The following BIRC6 variants were observed in gnomAD, a reference collection of about 807,000 sequenced individuals.
BIRC6 encodes the protein dual E2 ubiquitin-conjugating enzyme/E3 ubiquitin-protein ligase BIRC6.
In BIRC6, 98 loss-of-function variants were observed where a neutral mutation model predicts 503.3. The ratio of observed to expected loss-of-function variants is 0.19; its 90% CI spans 0.17 to 0.23. The LOEUF (loss-of-function observed/expected upper bound fraction) is 0.23. Ranked by LOEUF, BIRC6 falls within the 10% of genes least tolerant of loss-of-function variation. BIRC6 has a pLI of 1.00. For synonymous variants in BIRC6, 2,240 were observed against 2,078.7 expected, an observed-to-expected ratio of 1.08 and a Z score of -2.11; for missense variants, 5,360 against 5,806.0, an observed-to-expected ratio of 0.92 and a Z score of 2.50.
At chr2:32,463,049 A>G in intron 23 of BIRC6, 145 bp from the exon 24 acceptor site, 1 of 586,854 alleles carries the variant, frequency 1.7e-6, no homozygotes, top group Non-Finnish European at 2.9e-6. Context: ...CCTTATTTAT[A>G]CTTTCCAGAT....
intron 69 of BIRC6, among the ~76,000 whole-genome samples, 182 bp downstream of exon 69, chr2:32,598,150 G>A (rs1405035783): frequency 1.9e-4 from 21 of 113,414 alleles, no homozygotes; most frequent in African/African-American, 7.1e-4. Flanking sequence ...TTTTTTTTTG[G>A]CGACAGGATC....
chr2:32,432,908 A>G (rs2044299055), intron 12 of BIRC6, among the ~76,000 whole-genome samples: 1 of 149,856 alleles, frequency 6.7e-6, no homozygotes, highest in African/African-American at 2.4e-5. Context: ...GAGGGCAGTG[A>G]TAGATTGGTT....
At chr2:32,407,060 G>A (rs1488714847) in intron 9 of BIRC6, among the ~76,000 whole-genome samples, 1 of 152,116 alleles carries the variant, frequency 6.6e-6, no homozygotes, top group African/African-American at 2.4e-5. Context: ...GTTTTACTAT[G>A]TCAGAATTTA....
chr2:32,468,860 T>A, intron 29 of BIRC6, 77 bp downstream of exon 29: 2 of 1,112,046 alleles, frequency 1.8e-6, no homozygotes, highest in Non-Finnish European at 2.5e-6. Flanking sequence ...AGGATCTGTG[T>A]CAATATTTTC....
In BIRC6 at chr2:32,515,807, A is replaced by G. The variant is rs758676847; in HGVS notation, c.11349+37A>G. On this transcript the variant is annotated intron_variant, in intron 55 of 73. Coordinates refer to ENST00000421745, the MANE Select transcript of BIRC6 (RefSeq NM_016252.4). ...AAATAACTTACATTTTAGTTGTTTT[A>G]TTACATAAGAAAGGGCCATGTATAA... The G allele has an allele frequency of 2.0e-5, 30 of 1,531,576 alleles. No individual in the cohort carries two copies. The East Asian group carries it at 6.7e-4, about 34-fold the overall frequency. The allele number at this position is 1,531,576 out of a possible 1,614,324, so 94.9% of individuals were successfully genotyped here.
At chr2:32,542,563 A>C (rs994226615) in intron 61 of BIRC6, among the ~76,000 whole-genome samples, 8 of 152,334 alleles carry the variant, frequency 5.3e-5, no homozygotes, top group African/African-American at 1.9e-4. Context: ...AGAAAGAATG[A>C]CAGAATTAGA....
chr2:32,524,765 T>G, intron 57 of BIRC6, 123 bp from the exon 58 acceptor site: 1 of 653,908 alleles, frequency 1.5e-6, no homozygotes, highest in Non-Finnish European at 2.2e-6. Flanking sequence ...TCTCCTAAAT[T>G]CCTTTATATT....
In BIRC6 at chr2:32,513,030, G is replaced by A; in HGVS notation, c.10444G>A (p.Val3482Ile). Residue 3482 changes from valine to isoleucine, a missense_variant, in exon 54 of 74, where the codon GTA (valine) becomes ATA (isoleucine). Val to Ile is a conservative substitution (Grantham distance 29). This residue lies in a region of BIRC6 where 878 missense variants were observed against 928.9 expected (regional missense o/e 0.95). Transcript: ENST00000421745. ...CTACATGTGTCCTAACTCCTCAACAGTAGAGTATGGTCTTCTGATGCCATC... is the reference window on the plus strand; with the variant it reads ...CTACATGTGTCCTAACTCCTCAACAATAGAGTATGGTCTTCTGATGCCATC... ...MNYMCPNSST[V>I]EYGLLMPSPS... The A allele has an allele frequency of 1.2e-6, 2 of 1,613,920 alleles. No individual in the cohort carries two copies. The highest frequency in any genetic ancestry group is 1.7e-6 in the Non-Finnish European group (2 of 1,179,856).
At chr2:32,592,165 A>G (rs2061423443) in intron 66 of BIRC6, among the ~76,000 whole-genome samples, 1 of 152,152 alleles carries the variant, frequency 6.6e-6, no homozygotes, top group South Asian at 2.1e-4. Flanking sequence ...ATGTACATAG[A>G]CGACAGTTGA....
At chr2:32,481,492 C>T (rs752132088) in intron 38 of BIRC6, 39 bp downstream of exon 38, 65 of 1,524,460 alleles carry the variant, frequency 4.3e-5, no homozygotes, top group South Asian at 4.1e-4. Flanking sequence ...GGAGGCCGGG[C>T]GCAGTGGCTC....
At chr2:32,449,520 C>G (rs1446883441) in intron 22 of BIRC6, among the ~76,000 whole-genome samples, 1 of 151,902 alleles carries the variant, frequency 6.6e-6, no homozygotes, top group Non-Finnish European at 1.5e-5. Flanking sequence ...AAAGAGTGAC[C>G]ATTTCATTTT....
chr2:32,509,599 C>A, intron 51 of BIRC6, 139 bp from the exon 52 acceptor site: 1 of 939,800 alleles, frequency 1.1e-6, no homozygotes, highest in Non-Finnish European at 1.6e-6. Flanking sequence ...ACTTAATTTG[C>A]AGCATTCTAA....
At chr2:32,365,422 C>T (rs1042002728) in intron 1 of BIRC6, among the ~76,000 whole-genome samples, 11 of 151,422 alleles carry the variant, frequency 7.3e-5, no homozygotes, top group South Asian at 2.1e-4. Context: ...CAGGTTCAAG[C>T]GATTCTCCTG....
At chr2:32,608,376 T>TC (rs1247078864) in intron 72 of BIRC6, among the ~76,000 whole-genome samples, 1 of 152,118 alleles carries the variant, frequency 6.6e-6, no homozygotes, top group Non-Finnish European at 1.5e-5. Context: ...GAAGTTTTTT[T>TC]CCTTTCCTTT....
Sources: gnomAD v4.1 joint callset for allele counts (sites outside exome capture counted in the v4.1 genomes callset) on GRCh38, gnomAD v4.1.1 for gene constraint, gnomAD v4.1.1 regional missense constraint, MANE v1.5 for transcripts, NCBI Gene and HGNC (gene_info 2026-07-23, HGNC 2026-07-21) for gene names.